ATP10B: variants seen among roughly 807,000 people sequenced by gnomAD.
ATP10B encodes ATPase phospholipid transporting 10B (putative).
A neutral mutation model predicts 141.2 loss-of-function variants in ATP10B; 122 were observed. The observed-to-expected ratio is 0.86, with a 90% CI of 0.75 to 1.00. ATP10B has a LOEUF of 1.00. ATP10B is among the 50% of genes least tolerant of loss of function. ATP10B has a pLI of 0.00. For synonymous variants in ATP10B, 685 were observed against 692.0 expected, an observed-to-expected ratio of 0.99 and a Z score of 0.16; for missense variants, 1,876 against 1,825.3, an observed-to-expected ratio of 1.03 and a Z score of -0.51.
At chr5:160,814,667 C>T in intron 1 of ATP10B, among the ~76,000 whole-genome samples, 1 of 151,970 alleles carries the variant, frequency 6.6e-6, no homozygotes, top group East Asian at 1.9e-4. Flanking sequence ...AAGAGCAAGT[C>T]CAAGACACAT....
chr5:160,768,639 A>T (rs901366799), intron 2 of ATP10B, among the ~76,000 whole-genome samples: 4 of 152,230 alleles, frequency 2.6e-5, no homozygotes, highest in African/African-American at 9.6e-5. Flanking sequence ...CAGACATGCA[A>T]GAAATAAGTA....
intron 1 of ATP10B, among the ~76,000 whole-genome samples, chr5:160,825,621 TG>T (rs1774537903): frequency 6.6e-6 from 1 of 152,220 alleles, no homozygotes; most frequent in Non-Finnish European, 1.5e-5. Flanking sequence ...ATTTCACCAA[TG>T]CCATTTAATT....
At chr5:160,679,689 G>C (rs1763258465) in intron 6 of ATP10B, among the ~76,000 whole-genome samples, 1 of 152,214 alleles carries the variant, frequency 6.6e-6, no homozygotes, top group African/African-American at 2.4e-5. Context: ...GTTTGCCATG[G>C]CAATGCACAC....
chr5:160,862,380 GC>G, the ATP10B span, among the ~76,000 whole-genome samples: 1 of 151,942 alleles, frequency 6.6e-6, no homozygotes, highest in Admixed American at 6.6e-5. Flanking sequence ...ATTCCAGCCT[GC>G]CCTTCCTGAT....
the ATP10B span, among the ~76,000 whole-genome samples, chr5:160,868,500 C>G: frequency 7.0e-6 from 1 of 143,834 alleles, no homozygotes; most frequent in African/African-American, 2.6e-5. Context: ...AAGAACCAAA[C>G]TTCTAAGGCA....
intron 1 of ATP10B, among the ~76,000 whole-genome samples, chr5:160,801,986 G>C (rs141730203): frequency 1.3e-5 from 2 of 152,272 alleles, no homozygotes; most frequent in Non-Finnish European, 2.9e-5. Context: ...CAGCAAACAT[G>C]ATGGTCAAGA....
chr5:160,685,868 C>T (rs1241226433), intron 6 of ATP10B, among the ~76,000 whole-genome samples: 1 of 152,104 alleles, frequency 6.6e-6, no homozygotes, highest in Non-Finnish European at 1.5e-5. Flanking sequence ...CACTAGATGT[C>T]AGTAGTACCC....
intron 2 of ATP10B, among the ~76,000 whole-genome samples, chr5:160,743,802 C>A (rs537919355): frequency 3.3e-5 from 5 of 152,256 alleles, no homozygotes; most frequent in South Asian, 4.1e-4. Context: ...TTTATTTTGT[C>A]CCCTTCACCT....
intron 2 of ATP10B, among the ~76,000 whole-genome samples, chr5:160,761,218 C>T (rs116588204): frequency 0.022 from 3,364 of 152,272 alleles, 114 homozygotes; most frequent in African/African-American, 0.077. Flanking sequence ...ATGACAACTT[C>T]ACTGCTAGCA....
At chr5:160,823,357 G>A (rs1331501379) in intron 1 of ATP10B, among the ~76,000 whole-genome samples, 1 of 151,948 alleles carries the variant, frequency 6.6e-6, no homozygotes, top group Admixed American at 6.6e-5. Flanking sequence ...CATGGACACA[G>A]GGAGGGGAAC....
intron 1 of ATP10B, among the ~76,000 whole-genome samples, chr5:160,787,147 CACATT>C: frequency 7.1e-6 from 1 of 140,932 alleles, no homozygotes; most frequent in Admixed American, 7.1e-5. Flanking sequence ...CACACACACA[CACATT>C]ATTTGAACTA....
Position 160,580,418 on chromosome 5 carries a change from T to TTG in ATP10B, c.3750+9172_3750+9173dup, listed in dbSNP as rs554389961. ...GCCTTTTCTGCATCTATTGAGGTAATTGTGTGGTGTTTGTCATTGGTTCTG... is the reference window on the plus strand; with the variant it reads ...GCCTTTTCTGCATCTATTGAGGTAATTGTGTGTGGTGTTTGTCATTGGTTCTG... On this transcript the variant is annotated intron_variant, in intron 24 of 25. Coordinates refer to ENST00000327245, the MANE Select transcript of ATP10B (RefSeq NM_025153.3). Among the ~76,000 whole-genome samples the TTG allele has an allele frequency of 2.0e-5, 3 of 152,258 alleles. No individual in the cohort carries two copies. In the South Asian group the frequency reaches 6.2e-4, roughly 32 times the overall value.
the ATP10B span, among the ~76,000 whole-genome samples, chr5:160,905,149 T>C: frequency 2.0e-5 from 3 of 152,236 alleles, no homozygotes; most frequent in South Asian, 2.1e-4. Context: ...TACAGATAAG[T>C]AAGCTGAGGC....
intron 2 of ATP10B, among the ~76,000 whole-genome samples, chr5:160,731,370 ACT>A (rs1477355653): frequency 6.6e-6 from 1 of 152,146 alleles, no homozygotes; most frequent in Non-Finnish European, 1.5e-5. Context: ...CATGGGGGAT[ACT>A]CTCTGGCAAG....
At chr5:160,692,136 G>C (rs554693212) in intron 3 of ATP10B, among the ~76,000 whole-genome samples, 1 of 152,114 alleles carries the variant, frequency 6.6e-6, no homozygotes, top group Non-Finnish European at 1.5e-5. Context: ...GGTGGAGTAG[G>C]ATTAAAAGTC....
intron 10 of ATP10B, 37 bp downstream of exon 10, chr5:160,640,424 A>G (rs764897577): frequency 2.5e-6 from 4 of 1,596,812 alleles, no homozygotes; most frequent in East Asian, 2.2e-5. Context: ...AAATAAATCG[A>G]TTACTGTGTC....
rs898186876 is a variant in ATP10B at position 160,727,172 on chromosome 5, C to T, written c.-330-10138G>A. On this transcript the variant is annotated intron_variant, in intron 2 of 25. Transcript: ENST00000327245. ...TTAACTGAGACCTGTCTTAGATTTT[C>T]TGAGTTTACGGTACCTGCTACATAT... 2.0e-5 allele frequency among the ~76,000 whole-genome samples: 3 copies of T among 152,310 alleles called. No individual in the cohort carries two copies. The East Asian group carries it at 5.8e-4, about 29-fold the overall frequency.
intron 1 of ATP10B, among the ~76,000 whole-genome samples, chr5:160,819,203 C>A (rs192088426): frequency 5.3e-5 from 8 of 152,086 alleles, no homozygotes; most frequent in African/African-American, 1.7e-4. Context: ...AAATCACATA[C>A]AATGGAGCCC....
At chr5:160,693,266 G>A (rs1764174092) in intron 3 of ATP10B, among the ~76,000 whole-genome samples, 1 of 152,008 alleles carries the variant, frequency 6.6e-6, no homozygotes. Context: ...CTACAGTTAG[G>A]TAATAGCATT....
Sources: allele counts gnomAD v4.1 joint callset (sites outside exome capture counted in the v4.1 genomes callset), GRCh38; gene constraint gnomAD v4.1.1; transcripts MANE v1.5; gene names NCBI Gene and HGNC (gene_info 2026-07-23, HGNC 2026-07-21).